The following HPSE2 variants were observed in gnomAD, a reference collection of about 807,000 sequenced individuals.
The protein encoded by HPSE2 is heparanase 2 (inactive).
Under a neutral mutation model 60.5 loss-of-function variants are expected in HPSE2, and 38 were observed. That is an observed-to-expected ratio of 0.63 (90% confidence interval 0.48 to 0.82). The LOEUF (loss-of-function observed/expected upper bound fraction) is 0.82. Among genes scored for constraint, HPSE2 ranks in the 40% least tolerant of loss-of-function variants. The pLI, the probability that HPSE2 is intolerant of heterozygous loss-of-function variation, is 0.00. For missense variants in HPSE2, 713 were observed against 740.4 expected, an observed-to-expected ratio of 0.96 and a Z score of 0.43; for synonymous variants, 295 against 293.2, an observed-to-expected ratio of 1.01 and a Z score of -0.06.
At chr10:98,511,703 T>C (rs1055025612) in intron 9 of HPSE2, among the ~76,000 whole-genome samples, 1 of 151,946 alleles carries the variant, frequency 6.6e-6, no homozygotes, top group African/African-American at 2.4e-5. Flanking sequence ...GCCATAGACA[T>C]TGGGATTTAA....
chr10:98,686,243 T>C (rs1263800630), intron 6 of HPSE2, among the ~76,000 whole-genome samples: 1 of 152,172 alleles, frequency 6.6e-6, no homozygotes, highest in African/African-American at 2.4e-5. Flanking sequence ...ATGGAGATCA[T>C]TGCTTGTAAG....
intron 3 of HPSE2, among the ~76,000 whole-genome samples, chr10:98,800,491 T>A (rs1208240379): frequency 6.8e-6 from 1 of 147,890 alleles, no homozygotes; most frequent in South Asian, 2.1e-4. Flanking sequence ...ATTTATACAA[T>A]ATATAAATAT....
the HPSE2 span, among the ~76,000 whole-genome samples, chr10:99,302,398 T>C: frequency 6.6e-6 from 1 of 152,144 alleles, no homozygotes; most frequent in Non-Finnish European, 1.5e-5. Flanking sequence ...GTAGCAGTTA[T>C]ACACTATTCA....
intron 2 of HPSE2, among the ~76,000 whole-genome samples, chr10:99,229,986 A>C (rs1849592594): frequency 6.6e-6 from 1 of 152,242 alleles, no homozygotes; most frequent in South Asian, 2.1e-4. Context: ...CAACAAAGAC[A>C]GTATGGGTAA....
intron 9 of HPSE2, among the ~76,000 whole-genome samples, chr10:98,543,582 C>G (rs1943551991): frequency 6.6e-6 from 1 of 152,092 alleles, no homozygotes; most frequent in African/African-American, 2.4e-5. Flanking sequence ...TTCAGGAAAC[C>G]CATCTCACGT....
At chr10:98,986,642 C>A (rs1956361725) in intron 3 of HPSE2, among the ~76,000 whole-genome samples, 1 of 138,504 alleles carries the variant, frequency 7.2e-6, no homozygotes, top group East Asian at 2.2e-4. Flanking sequence ...TAACTAAGAT[C>A]AGAGCAGAAC....
At chr10:98,502,628 C>T (rs1942064415) in intron 9 of HPSE2, among the ~76,000 whole-genome samples, 2 of 152,284 alleles carry the variant, frequency 1.3e-5, no homozygotes, top group African/African-American at 2.4e-5. Context: ...ATCCTCTAGA[C>T]ATTGGTTTAG....
chr10:98,881,823 C>G (rs75838921), intron 3 of HPSE2, among the ~76,000 whole-genome samples: 1 of 152,048 alleles, frequency 6.6e-6, no homozygotes, highest in African/African-American at 2.4e-5. Context: ...AGTGCTTATA[C>G]TAGTTTTTGT....
intron 3 of HPSE2, among the ~76,000 whole-genome samples, chr10:99,110,789 T>C (rs1232515411): frequency 2.6e-5 from 4 of 152,166 alleles, no homozygotes; most frequent in Non-Finnish European, 5.9e-5. Context: ...GCCTTTGTTG[T>C]TTTATCAAAA....
intron 3 of HPSE2, among the ~76,000 whole-genome samples, chr10:98,757,674 GAA>G (rs1214466944): frequency 6.6e-6 from 1 of 151,958 alleles, no homozygotes; most frequent in Non-Finnish European, 1.5e-5. Flanking sequence ...GCTGCTGAGA[GAA>G]ATTAGAGACA....
chr10:98,664,704 C>T (rs1947316392), intron 6 of HPSE2, among the ~76,000 whole-genome samples: 1 of 152,274 alleles, frequency 6.6e-6, no homozygotes, highest in East Asian at 1.9e-4. Flanking sequence ...GTATATAGCG[C>T]CTGTGAAACC....
At chr10:98,547,095 C>T (rs1223518423) in intron 9 of HPSE2, among the ~76,000 whole-genome samples, 29 of 129,560 alleles carry the variant, frequency 2.2e-4, no homozygotes, top group Admixed American at 2.0e-3. Context: ...CAAATCAAAA[C>T]CACAATGAGA....
chr10:98,632,850 T>G (rs1404273851), intron 7 of HPSE2, among the ~76,000 whole-genome samples: 1 of 152,226 alleles, frequency 6.6e-6, no homozygotes, highest in East Asian at 1.9e-4. Context: ...ATTGATGTTA[T>G]CCCGAGGTAT....
intron 9 of HPSE2, among the ~76,000 whole-genome samples, chr10:98,506,467 C>T (rs187725954): frequency 5.9e-4 from 90 of 151,964 alleles, no homozygotes; most frequent in Middle Eastern, 3.4e-3. Context: ...TTTTTTGAGA[C>T]AAGGTCTTGC....
chr10:98,809,036 C>G (rs1184459359), intron 3 of HPSE2, among the ~76,000 whole-genome samples: 1 of 152,138 alleles, frequency 6.6e-6, no homozygotes, highest in Non-Finnish European at 1.5e-5. Context: ...ACAGTATCGT[C>G]CAGATATCTA....
chr10:99,295,536 TG>T, the HPSE2 span, among the ~76,000 whole-genome samples: 111 of 152,362 alleles, frequency 7.3e-4, no homozygotes, highest in Non-Finnish European at 1.4e-3. Context: ...GAATTAAAGA[TG>T]TTTTTTTCTT....
At chr10:99,242,383 G>A in the HPSE2 span, among the ~76,000 whole-genome samples, 1 of 152,112 alleles carries the variant, frequency 6.6e-6, no homozygotes, top group Admixed American at 6.6e-5. Flanking sequence ...AGAAAACTCT[G>A]GTCTTTGTCC....
chr10:98,843,251 C>T (rs931692667), intron 3 of HPSE2, among the ~76,000 whole-genome samples: 5 of 152,020 alleles, frequency 3.3e-5, no homozygotes, highest in African/African-American at 4.8e-5. Context: ...TGTGTCCATG[C>T]GTTCTCATCA....
intron 3 of HPSE2, among the ~76,000 whole-genome samples, chr10:98,951,562 G>A (rs1955357672): frequency 6.6e-6 from 1 of 152,178 alleles, no homozygotes; most frequent in African/African-American, 2.4e-5. Flanking sequence ...TAGTGTAGTT[G>A]ACTTCAAAAA....
Sources: gnomAD v4.1 joint callset for allele counts (sites outside exome capture counted in the v4.1 genomes callset) on GRCh38, gnomAD v4.1.1 for gene constraint, MANE v1.5 for transcripts, NCBI Gene and HGNC (gene_info 2026-07-23, HGNC 2026-07-21) for gene names.